The following LRFN2 variants were observed in gnomAD, a reference collection of about 807,000 sequenced individuals.
LRFN2 encodes the protein leucine rich repeat and fibronectin type III domain containing 2, also known as leucine-rich repeat and fibronectin type-III domain-containing protein 2.
A neutral mutation model predicts 37.3 loss-of-function variants in LRFN2; 18 were observed. That is an observed-to-expected ratio of 0.48 (90% CI 0.33 to 0.72). The LOEUF is 0.72. Ranked by LOEUF, LRFN2 falls within the 30% of genes least tolerant of loss-of-function variation. LRFN2 has a pLI of 0.02. For missense variants in LRFN2, 1,006 were observed against 1,060.7 expected (o/e 0.95, Z 0.72); for synonymous variants, 556 against 466.6 (o/e 1.19, Z -2.47).
chr6:40,568,901 C>T (rs774466273), intron 1 of LRFN2, among the ~76,000 whole-genome samples: 9 of 152,100 alleles, frequency 5.9e-5, no homozygotes, highest in Non-Finnish European at 1.2e-4. Context: ...TTGTATCTCC[C>T]CCATTTTCAC....
chr6:40,416,070 G>A (rs548601395), intron 2 of LRFN2, among the ~76,000 whole-genome samples: 1 of 152,164 alleles, frequency 6.6e-6, no homozygotes, highest in Non-Finnish European at 1.5e-5. Flanking sequence ...GTGCAATGGC[G>A]GAATCTTGGC....
At chr6:40,396,701 T>A (rs967984412) in intron 2 of LRFN2, among the ~76,000 whole-genome samples, 2 of 106,418 alleles carry the variant, frequency 1.9e-5, no homozygotes, top group East Asian at 5.9e-4. Context: ...TGTGTGTGTG[T>A]GTGTGTGTGT....
At chr6:40,540,294 G>T (rs779669259) in intron 1 of LRFN2, among the ~76,000 whole-genome samples, 1 of 152,208 alleles carries the variant, frequency 6.6e-6, no homozygotes, top group Non-Finnish European at 1.5e-5. Context: ...CTGATTGTGA[G>T]TTGGCCCCTA....
chr6:40,536,189 C>T (rs1443264706), intron 1 of LRFN2, among the ~76,000 whole-genome samples: 2 of 152,052 alleles, frequency 1.3e-5, no homozygotes, highest in Non-Finnish European at 2.9e-5. Context: ...CCAGGTGCTC[C>T]AGCAGCTCCC....
intron 1 of LRFN2, among the ~76,000 whole-genome samples, chr6:40,510,627 T>C (rs2113886055): frequency 6.6e-6 from 1 of 151,950 alleles, no homozygotes; most frequent in Non-Finnish European, 1.5e-5. Flanking sequence ...CCCCAGGGAG[T>C]TTACATTCAA....
chr6:40,397,473 T>G (rs544031910), intron 2 of LRFN2, among the ~76,000 whole-genome samples: 1 of 152,314 alleles, frequency 6.6e-6, no homozygotes, highest in African/African-American at 2.4e-5. Context: ...ACTCTGGCTG[T>G]GTCGCCTGCC....
At chr6:40,460,681 C>A (rs1244809393) in intron 1 of LRFN2, among the ~76,000 whole-genome samples, 1 of 152,124 alleles carries the variant, frequency 6.6e-6, no homozygotes. Flanking sequence ...ATACCCTATC[C>A]AGGGAGCTGG....
intron 1 of LRFN2, among the ~76,000 whole-genome samples, chr6:40,495,983 A>G (rs1035961880): frequency 3.3e-5 from 5 of 151,910 alleles, no homozygotes; most frequent in East Asian, 1.9e-4. Context: ...AGAAAAATAC[A>G]TTCCCTCTTC....
At position 40,495,086 on chromosome 6, in the gene LRFN2, G is replaced by A. The variant is rs965727385; in HGVS notation, c.-18-61955C>T. On this transcript the variant is annotated intron_variant, in intron 1 of 2. Coordinates refer to ENST00000338305, the MANE Select transcript of LRFN2 (RefSeq NM_020737.3). ...ACAGGTAGACTAGTTCTAATAACTG[G>A]GCAGACCTTTGAACCTTTCCAGGTA... Among the ~76,000 whole-genome samples, 34 of 152,142 alleles carry A rather than the reference G, an allele frequency of 2.2e-4. 1 individual carries two copies. Among genetic ancestry groups the A allele is most frequent in the Admixed American group, 1.9e-3 (29 of 15,278 alleles).
chr6:40,490,496 C>T (rs555277235), intron 1 of LRFN2, among the ~76,000 whole-genome samples: 8 of 152,268 alleles, frequency 5.3e-5, no homozygotes, highest in African/African-American at 1.9e-4. Context: ...TGCAGAAGGA[C>T]CCCCAGGGGA....
rs1225591568 is a variant in LRFN2 at position 40,475,356 on chromosome 6, G to A, written c.-18-42225C>T. On this transcript the variant is annotated intron_variant, in intron 1 of 2. Coordinates refer to ENST00000338305, the MANE Select transcript of LRFN2 (RefSeq NM_020737.3). ...AAAGGAGGGACTTGGGGGATGGCTT[G>A]GGAGGGATTCCACTCCGTACTAGAG... Among the ~76,000 whole-genome samples the A allele has an allele frequency of 4.6e-5, 7 of 152,182 alleles. No individual in the cohort carries two copies. In the East Asian group the frequency reaches 1.4e-3, roughly 29 times the overall value.
intron 2 of LRFN2, among the ~76,000 whole-genome samples, chr6:40,409,252 G>T (rs1029779600): frequency 1.3e-5 from 2 of 152,160 alleles, no homozygotes; most frequent in African/African-American, 4.8e-5. Flanking sequence ...ATCAGAAGCT[G>T]TATCATAAGA....
At chr6:40,583,956 C>T (rs576753212) in intron 1 of LRFN2, among the ~76,000 whole-genome samples, 2 of 152,250 alleles carry the variant, frequency 1.3e-5, no homozygotes, top group Admixed American at 1.3e-4. Context: ...AATGCAGAGC[C>T]CCACTTCCTG....
In LRFN2 at chr6:40,463,656, ATTTC is replaced by A. The variant is rs147330381; in HGVS notation, c.-18-30529_-18-30526del. Among the ~76,000 whole-genome samples, 1,035 of 124,418 alleles carry A rather than the reference ATTTC, an allele frequency of 8.3e-3. 37 individuals are homozygous for A. Among genetic ancestry groups the A allele is most frequent in the South Asian group, 0.014 (51 of 3,736 alleles). The allele number at this position is 124,418 out of a possible 152,430, so 81.6% of individuals were successfully genotyped here. On this transcript the variant is annotated intron_variant, in intron 1 of 2. Coordinates refer to ENST00000338305, the MANE Select transcript of LRFN2 (RefSeq NM_020737.3). ...TGCATTTCCCTGCATACATCATACT[ATTTC>A]TTTCTTTCTATTTTTTTTTTTTTTT... is the stretch of plus-strand genomic sequence containing the variant.
intron 1 of LRFN2, among the ~76,000 whole-genome samples, chr6:40,513,279 G>C (rs1014506258): frequency 4.6e-5 from 7 of 151,458 alleles, no homozygotes; most frequent in African/African-American, 1.7e-4. Flanking sequence ...CATCACCCAG[G>C]CTGAAGTGCA....
chr6:40,557,562 C>T (rs979226356), intron 1 of LRFN2, among the ~76,000 whole-genome samples: 2 of 152,090 alleles, frequency 1.3e-5, no homozygotes, highest in African/African-American at 2.4e-5. Context: ...ACCCTGAAGG[C>T]CAGTAGGATA....
intron 1 of LRFN2, among the ~76,000 whole-genome samples, chr6:40,447,556 T>C (rs1469160296): frequency 6.6e-6 from 1 of 152,186 alleles, no homozygotes; most frequent in Non-Finnish European, 1.5e-5. Context: ...GGTGAAAGAC[T>C]TGACTTTGCT....
Position 40,492,350 on chromosome 6 carries a change from C to A in LRFN2, c.-18-59219G>T, listed in dbSNP as rs868416756. On this transcript the variant is annotated intron_variant, in intron 1 of 2. Transcript: ENST00000338305. ...TTCCTGCTCGGCTGTCCCCGCCCCACAGCTCCCCCTGCTCCCCTGTCCTGG... is the reference window on the plus strand; with the variant it reads ...TTCCTGCTCGGCTGTCCCCGCCCCAAAGCTCCCCCTGCTCCCCTGTCCTGG... Among the ~76,000 whole-genome samples, 5 of 152,196 alleles carry A rather than the reference C, an allele frequency of 3.3e-5. No homozygotes were observed. In the South Asian group the frequency reaches 1.0e-3, roughly 32 times the overall value.
chr6:40,538,497 T>G (rs1581784915), intron 1 of LRFN2, among the ~76,000 whole-genome samples: 1 of 152,282 alleles, frequency 6.6e-6, no homozygotes, highest in Non-Finnish European at 1.5e-5. Context: ...AGAAGAGAAA[T>G]CCTCGCATCC....
Sources: allele counts gnomAD v4.1 joint callset (sites outside exome capture counted in the v4.1 genomes callset), GRCh38; gene constraint gnomAD v4.1.1; transcripts MANE v1.5; gene names NCBI Gene and HGNC (gene_info 2026-07-23, HGNC 2026-07-21).